Variants in ELF2 observed in about 807,000 individuals in gnomAD.
The protein encoded by ELF2 is E74 like ETS transcription factor 2.
In ELF2, 11 loss-of-function variants were observed where a neutral mutation model predicts 54.8. The observed-to-expected ratio is 0.20, with a 90% CI of 0.13 to 0.33. The LOEUF is 0.33. ELF2 is among the 10% of genes least tolerant of loss of function. ELF2 has a pLI of 1.00. For synonymous variants in ELF2, 203 were observed against 245.1 expected, an observed-to-expected ratio of 0.83 and a Z score of 1.61; for missense variants, 513 against 703.0, an observed-to-expected ratio of 0.73 and a Z score of 3.06.
At chr4:139,156,363 T>C (rs1210823578) in intron 1 of ELF2, among the ~76,000 whole-genome samples, 1 of 152,060 alleles carries the variant, frequency 6.6e-6, no homozygotes, top group Admixed American at 6.6e-5. Flanking sequence ...GTATTTTTAG[T>C]AGAGACTGGG....
At position 139,071,977 on chromosome 4, in the gene ELF2, C is replaced by T. The variant is rs780757133; in HGVS notation, c.415G>A (p.Asp139Asn). ...TCCACTACAGTTTCTGTAATGACAT[C>T]TGGCCTCATAGCAGCATGGATGAAT... Reference protein sequence around the residue: ...PEFIHAAMRPDVITETVVEVS... With the variant: ...PEFIHAAMRPNVITETVVEVS... The change falls in exon 6 of 10, where the codon GAT (aspartate) becomes AAT (asparagine). Residue 139 changes from aspartate (D) to asparagine (N), a missense_variant. By Grantham distance (23) the Asp-to-Asn change is conservative. Transcript: ENST00000686138. 4.3e-6 allele frequency: 7 copies of T among 1,613,882 alleles called. No individual in the cohort carries two copies. Among genetic ancestry groups the T allele is most frequent in the Non-Finnish European group, 5.9e-6 (7 of 1,179,992 alleles).
intron 4 of ELF2, among the ~76,000 whole-genome samples, chr4:139,122,793 G>A (rs765677096): frequency 2.6e-5 from 4 of 151,474 alleles, no homozygotes; most frequent in Middle Eastern, 3.4e-3. Flanking sequence ...GAGCTACCAC[G>A]CTCGGCCTGA....
chr4:139,114,561 TCACACACACA>T (rs776035411), intron 4 of ELF2, among the ~76,000 whole-genome samples: 9 of 108,646 alleles, frequency 8.3e-5, no homozygotes, highest in South Asian at 3.2e-4. Flanking sequence ...GACTTCAGTC[TCACACACACA>T]CACACACACA....
chr4:139,105,671 G>A (rs559179381), intron 4 of ELF2, among the ~76,000 whole-genome samples: 14 of 152,242 alleles, frequency 9.2e-5, no homozygotes, highest in African/African-American at 3.4e-4. Flanking sequence ...GATCACTTGA[G>A]GCCAGGAGTT....
At chr4:139,115,903 G>A (rs1578841032) in intron 4 of ELF2, among the ~76,000 whole-genome samples, 1 of 152,042 alleles carries the variant, frequency 6.6e-6, no homozygotes, top group Non-Finnish European at 1.5e-5. Context: ...GTGCAGTGGC[G>A]CCATCTCAGT....
intron 1 of ELF2, among the ~76,000 whole-genome samples, chr4:139,151,030 A>AG (rs1560870894): frequency 6.4e-5 from 8 of 124,670 alleles, no homozygotes; most frequent in African/African-American, 1.6e-4. Context: ...TCTCAAAAAA[A>AG]AAAAAGAAAG....
In ELF2 at chr4:139,147,477, A is replaced by AT. The variant is rs541757941; in HGVS notation, c.-251-7981dup. Among the ~76,000 whole-genome samples, 543 of 151,644 alleles carry AT rather than the reference A, an allele frequency of 3.6e-3. 3 individuals carry two copies. The highest frequency in any genetic ancestry group is 0.012 in the African/African-American group (507 of 41,362). ...AACCTCTATGCAAAACAGTATGGAG[A>AT]TTTTTTTTTGTTAAGACAGTGTCTC... On this transcript the variant is annotated intron_variant, in intron 1 of 9. Transcript: ENST00000686138.
chr4:139,141,199 T>C (rs1374001246), intron 1 of ELF2, among the ~76,000 whole-genome samples: 1 of 152,170 alleles, frequency 6.6e-6, no homozygotes, highest in Non-Finnish European at 1.5e-5. Flanking sequence ...AAGTTCTAAA[T>C]CAAGCTGTTA....
intron 4 of ELF2, chr4:139,084,297 A>G: frequency 1.3e-6 from 2 of 1,598,188 alleles, no homozygotes; most frequent in Non-Finnish European, 1.7e-6. Flanking sequence ...CGTGCGACCG[A>G]CACACACTCA....
At chr4:139,146,453 A>G (rs1296810184) in intron 1 of ELF2, among the ~76,000 whole-genome samples, 5 of 152,218 alleles carry the variant, frequency 3.3e-5, no homozygotes, top group African/African-American at 1.2e-4. Context: ...ATACCATCTA[A>G]AGCAATCTAC....
At chr4:139,119,909 G>T (rs531056118) in intron 4 of ELF2, among the ~76,000 whole-genome samples, 4 of 152,076 alleles carry the variant, frequency 2.6e-5, no homozygotes, top group African/African-American at 7.2e-5. Context: ...GAGTAGCTGG[G>T]ATTACAGGCG....
intron 2 of ELF2, 70 bp from the exon 3 acceptor site, chr4:139,137,937 T>C (rs1738341781): frequency 5.5e-6 from 6 of 1,082,704 alleles, no homozygotes; most frequent in Non-Finnish European, 7.2e-6. Flanking sequence ...GCATAACTTA[T>C]TGTGCAATCT....
At chr4:139,079,478 C>A (rs1260747558) in intron 4 of ELF2, among the ~76,000 whole-genome samples, 1 of 152,158 alleles carries the variant, frequency 6.6e-6, no homozygotes, top group African/African-American at 2.4e-5. Context: ...TCTTGGGACT[C>A]CCAGAATCCG....
In ELF2 at chr4:139,097,610, C is replaced by T. The variant is rs1042312817; in HGVS notation, c.239-24043G>A. On this transcript the variant is annotated intron_variant, in intron 4 of 9. Coordinates refer to ENST00000686138, the MANE Select transcript of ELF2 (RefSeq NM_001331036.3). ...CCAGCCTGGGTGACGGAGCAAGACT[C>T]TGTCTCAAAAAAAAAAAAAAAAGTA... Among the ~76,000 whole-genome samples, 10 of 142,524 alleles carry T rather than the reference C, an allele frequency of 7.0e-5. No individual in the cohort carries two copies. The Admixed American group carries it at 7.2e-4, about 10-fold the overall frequency. 93.5% of individuals were successfully genotyped at this position (142,524 alleles called of 152,430 possible).
intron 4 of ELF2, among the ~76,000 whole-genome samples, chr4:139,120,787 T>A (rs1736233014): frequency 6.6e-6 from 1 of 152,166 alleles, no homozygotes. Flanking sequence ...TACTAACTCT[T>A]GAGATTTAAT....
At chr4:139,114,561 T>TCACACACACTCACACACACA (rs1553963872) in intron 4 of ELF2, among the ~76,000 whole-genome samples, 1 of 108,636 alleles carries the variant, frequency 9.2e-6, no homozygotes, top group African/African-American at 3.6e-5. Context: ...GACTTCAGTC[T>TCACACACACTCACACACACA]CACACACACA....
chr4:139,086,203 A>C (rs972689547), intron 4 of ELF2, among the ~76,000 whole-genome samples: 5 of 115,302 alleles, frequency 4.3e-5, no homozygotes, highest in Admixed American at 3.1e-4. Flanking sequence ...TGAATGAGAG[A>C]ATAGGAAGAG....
chr4:139,057,856 A>G lies in ELF2; in HGVS notation c.*1127T>C, dbSNP rs1340211268. The G allele has an allele frequency of 2.0e-5, 3 of 152,640 alleles. No individual in the cohort carries two copies. Among genetic ancestry groups the G allele is most frequent in the Non-Finnish European group, 2.9e-5 (2 of 68,034 alleles). 9.5% of individuals were successfully genotyped at this position (152,640 alleles called of 1,614,324 possible). A position where few individuals can be genotyped will look rare whatever the true frequency, so the allele number is the denominator to read the frequency against. On this transcript the variant is annotated 3_prime_UTR_variant, in exon 10 of 10. Coordinates refer to ENST00000686138, the MANE Select transcript of ELF2 (RefSeq NM_001331036.3). Reference sequence around the variant, plus strand: ...TTAAAATATCACCAGAGACCAAAACAGAAGATAAATTTCATTTCTATATTT... The same window carrying G: ...TTAAAATATCACCAGAGACCAAAACGGAAGATAAATTTCATTTCTATATTT...
chr4:139,127,983 AT>A (rs769909736), intron 3 of ELF2, among the ~76,000 whole-genome samples: 2 of 150,340 alleles, frequency 1.3e-5, no homozygotes, highest in Non-Finnish European at 3.0e-5. Context: ...AAAAAAAAAA[AT>A]TCAGACCAGG....
Sources: allele counts gnomAD v4.1 joint callset (sites outside exome capture counted in the v4.1 genomes callset), GRCh38; gene constraint gnomAD v4.1.1; transcripts MANE v1.5; gene names NCBI Gene and HGNC (gene_info 2026-07-23, HGNC 2026-07-21).